Variants in NRG3 observed in about 807,000 individuals in gnomAD.
NRG3 encodes the protein pro-neuregulin-3, membrane-bound isoform.
A neutral mutation model predicts 66.9 loss-of-function variants in NRG3; 31 were observed. That is an observed-to-expected ratio of 0.46 (90% confidence interval 0.35 to 0.63). The LOEUF is 0.63. Ranked by LOEUF, NRG3 falls within the 20% of genes least tolerant of loss-of-function variation. The pLI is 0.00. For missense variants in NRG3, 910 were observed against 878.9 expected (o/e 1.04, Z -0.45); for synonymous variants, 393 against 359.4 (o/e 1.09, Z -1.06).
intron 2 of NRG3, among the ~76,000 whole-genome samples, chr10:82,592,091 T>G (rs1042812809): frequency 6.6e-6 from 1 of 152,214 alleles, no homozygotes; most frequent in Non-Finnish European, 1.5e-5. Flanking sequence ...CACTGTGGAT[T>G]AATAAGGATA....
intron 1 of NRG3, among the ~76,000 whole-genome samples, chr10:82,114,629 C>T (rs866917497): frequency 7.2e-5 from 11 of 152,212 alleles, no homozygotes; most frequent in East Asian, 3.9e-4. Flanking sequence ...TGCCATTGTT[C>T]GGGAAATTGG....
intron 2 of NRG3, among the ~76,000 whole-genome samples, chr10:82,407,123 C>T (rs1189692574): frequency 8.3e-6 from 1 of 119,902 alleles, no homozygotes; most frequent in East Asian, 2.8e-4. Flanking sequence ...TTTGATCCTG[C>T]TTCAATTTTA....
chr10:82,672,667 T>C (rs1218258625), intron 2 of NRG3, among the ~76,000 whole-genome samples: 1 of 152,146 alleles, frequency 6.6e-6, no homozygotes, highest in African/African-American at 2.4e-5. Flanking sequence ...ACAAAACAAA[T>C]CAAAACAAAA....
chr10:82,697,026 A>C (rs1353382696), intron 2 of NRG3, among the ~76,000 whole-genome samples: 1 of 152,184 alleles, frequency 6.6e-6, no homozygotes, highest in Non-Finnish European at 1.5e-5. Flanking sequence ...TCTCTTCTGA[A>C]CTGAGACTTT....
rs546651282 is a variant in NRG3 at position 82,825,778 on chromosome 10, T to A, written c.1028-39633T>A. ...CAATATTCTGTAGCAATTGTTACCA[T>A]GTAACATACGATTAAATATTATAAA... On this transcript the variant is annotated intron_variant, in intron 3 of 8. Coordinates refer to ENST00000372141, the MANE Select transcript of NRG3 (RefSeq NM_001010848.4). Among the ~76,000 whole-genome samples, 8 of 152,344 alleles carry A rather than the reference T, an allele frequency of 5.3e-5. No individual in the cohort carries two copies. In the East Asian group the frequency reaches 1.5e-3, roughly 29 times the overall value.
At chr10:82,064,326 T>C (rs912853544) in intron 1 of NRG3, among the ~76,000 whole-genome samples, 3 of 152,030 alleles carry the variant, frequency 2.0e-5, no homozygotes, top group Non-Finnish European at 4.4e-5. Context: ...AAGTGAAATA[T>C]ACTAACTAAA....
intron 3 of NRG3, among the ~76,000 whole-genome samples, chr10:82,820,966 T>C (rs1245297582): frequency 6.6e-6 from 1 of 151,330 alleles, no homozygotes; most frequent in Non-Finnish European, 1.5e-5. Flanking sequence ...ATCAAAAACA[T>C]TTTTTTTGGT....
At chr10:82,627,356 G>A (rs2049502703) in intron 2 of NRG3, among the ~76,000 whole-genome samples, 1 of 151,994 alleles carries the variant, frequency 6.6e-6, no homozygotes, top group African/African-American at 2.4e-5. Context: ...ATCTATTTCA[G>A]GGCAAACTTG....
chr10:82,191,938 C>G (rs74822238), intron 1 of NRG3, among the ~76,000 whole-genome samples: 2 of 152,110 alleles, frequency 1.3e-5, no homozygotes, highest in African/African-American at 4.8e-5. Flanking sequence ...CTTGCCAGTT[C>G]GATTCTAATA....
At chr10:82,846,605 C>T (rs937927673) in intron 3 of NRG3, among the ~76,000 whole-genome samples, 3 of 152,068 alleles carry the variant, frequency 2.0e-5, no homozygotes, top group African/African-American at 7.2e-5. Context: ...AAAAGCAGAA[C>T]AATCAGCACA....
chr10:82,768,478 T>C (rs148528594), intron 3 of NRG3, among the ~76,000 whole-genome samples: 84 of 152,222 alleles, frequency 5.5e-4, no homozygotes, highest in Admixed American at 9.8e-4. Flanking sequence ...GGAAAGAAAA[T>C]AGATGCATGT....
intron 1 of NRG3, among the ~76,000 whole-genome samples, chr10:82,011,928 G>C (rs1351587739): frequency 1.3e-5 from 2 of 152,136 alleles, no homozygotes; most frequent in African/African-American, 4.8e-5. Context: ...AGTGCAAGCT[G>C]TCGGTGGATC....
intron 3 of NRG3, among the ~76,000 whole-genome samples, chr10:82,760,267 A>G (rs2059252040): frequency 6.6e-6 from 1 of 152,170 alleles, no homozygotes; most frequent in Non-Finnish European, 1.5e-5. Context: ...CACAGCCAAA[A>G]GCACATCTGG....
rs571849901 is a variant in NRG3, at chr10:82,278,656, A to G, written c.824-80083A>G. ...AAACTAGAGCTGTCTGAAATAATAAACAGGTTTCTCAGTGACTGGAAGAGA... is the reference window on the plus strand; with the variant it reads ...AAACTAGAGCTGTCTGAAATAATAAGCAGGTTTCTCAGTGACTGGAAGAGA... On this transcript the variant is annotated intron_variant, in intron 1 of 8. Transcript: ENST00000372141. Among the ~76,000 whole-genome samples, 137 of 152,246 alleles carry G rather than the reference A, an allele frequency of 9.0e-4. 2 individuals are homozygous for G. Among genetic ancestry groups the G allele is most frequent in the Middle Eastern group, 3.4e-3 (1 of 294 alleles).
intron 1 of NRG3, among the ~76,000 whole-genome samples, chr10:81,965,728 A>G (rs995327799): frequency 6.6e-6 from 1 of 152,128 alleles, no homozygotes; most frequent in South Asian, 2.1e-4. Flanking sequence ...GAAAGTGTGA[A>G]TTTTTTGTAT....
intron 1 of NRG3, among the ~76,000 whole-genome samples, chr10:82,142,099 C>T (rs1419580233): frequency 6.6e-6 from 1 of 152,158 alleles, no homozygotes; most frequent in Admixed American, 6.5e-5. Flanking sequence ...TTTTTTCAAG[C>T]TTTCCTGGTA....
At chr10:82,066,553 C>T (rs2064481041) in intron 1 of NRG3, among the ~76,000 whole-genome samples, 2 of 152,150 alleles carry the variant, frequency 1.3e-5, no homozygotes, top group African/African-American at 2.4e-5. Flanking sequence ...TATGTGCTTT[C>T]TGGAGCCTGG....
At chr10:82,945,946 G>T (rs921069075) in intron 4 of NRG3, among the ~76,000 whole-genome samples, 1 of 152,118 alleles carries the variant, frequency 6.6e-6, no homozygotes, top group Non-Finnish European at 1.5e-5. Context: ...AACATGGACA[G>T]ATTCTAAGCC....
chr10:82,050,552 G>A (rs1269196420), intron 1 of NRG3, among the ~76,000 whole-genome samples: 2 of 152,052 alleles, frequency 1.3e-5, no homozygotes, highest in South Asian at 2.1e-4. Flanking sequence ...AAAGATAGAA[G>A]GTCTTGCTAC....
Sources: allele counts gnomAD v4.1 joint callset (sites outside exome capture counted in the v4.1 genomes callset), GRCh38; gene constraint gnomAD v4.1.1; transcripts MANE v1.5; gene names NCBI Gene and HGNC (gene_info 2026-07-23, HGNC 2026-07-21).